The following CUX1 variants were observed in gnomAD, a reference collection of about 807,000 sequenced individuals.
The protein encoded by CUX1 is cut like homeobox 1.
CUX1 carries 31 observed loss-of-function variants against 158.8 expected under a neutral mutation model. The observed-to-expected ratio is 0.20, with a 90% CI of 0.15 to 0.26. The LOEUF (loss-of-function observed/expected upper bound fraction) is 0.26. Among genes scored for constraint, CUX1 ranks in the 10% least tolerant of loss-of-function variants. CUX1 has a pLI of 1.00. For synonymous variants in CUX1, 879 were observed against 862.1 expected (o/e 1.02, Z -0.34); for missense variants, 1,589 against 2,014.6 (o/e 0.79, Z 4.04).
At chr7:102,146,999 A>G (rs1300572189) in intron 8 of CUX1, among the ~76,000 whole-genome samples, 2 of 152,196 alleles carry the variant, frequency 1.3e-5, no homozygotes, top group African/African-American at 4.8e-5. Context: ...CAGAGGTGAC[A>G]TCCTGGCCGT....
intron 23 of CUX1, 107 bp downstream of exon 23, chr7:102,239,691 C>T (rs1554534220): frequency 2.3e-6 from 3 of 1,330,062 alleles, no homozygotes; most frequent in Non-Finnish European, 3.1e-6. Context: ...GGAGGTGGGG[C>T]GCTGGGAGCT....
chr7:102,199,444 G>A lies in CUX1; in HGVS notation c.1960+577G>A, dbSNP rs369903281. ...CCCTGGGCCATAGTAGCCTCATTTC[G>A]TCGGCACGTGTGCCTGCACAAAACA... On this transcript the variant is annotated intron_variant, in intron 16 of 23. Coordinates refer to ENST00000292535, the MANE Select transcript of CUX1 (RefSeq NM_181552.4). Among the ~76,000 whole-genome samples the A allele has an allele frequency of 5.3e-5, 8 of 152,342 alleles. 1 individual carries two copies. The South Asian group carries it at 8.3e-4, about 16-fold the overall frequency.
chr7:102,025,163 C>T (rs1359459525), intron 2 of CUX1, among the ~76,000 whole-genome samples: 1 of 152,156 alleles, frequency 6.6e-6, no homozygotes. Context: ...ACTGGGCCCA[C>T]CTGGATAATC....
intron 1 of CUX1, among the ~76,000 whole-genome samples, chr7:101,842,666 G>A (rs1378610217): frequency 1.3e-5 from 2 of 152,052 alleles, no homozygotes; most frequent in Non-Finnish European, 1.5e-5. Context: ...GATTACAGGT[G>A]TGAGCCACCA....
intron 9 of CUX1, among the ~76,000 whole-genome samples, chr7:102,168,019 A>G (rs1206782730): frequency 6.6e-6 from 1 of 151,770 alleles, no homozygotes; most frequent in Admixed American, 6.6e-5. Flanking sequence ...CGGAGGTTGC[A>G]GTTAACTGAG....
intron 3 of CUX1, among the ~76,000 whole-genome samples, chr7:102,060,824 G>A (rs1464265148): frequency 6.6e-6 from 1 of 151,344 alleles, no homozygotes; most frequent in Non-Finnish European, 1.5e-5. Flanking sequence ...ATGTTGGCCA[G>A]GCTGGTCTTG....
At chr7:102,069,281 C>A (rs1825878233) in intron 3 of CUX1, among the ~76,000 whole-genome samples, 1 of 152,160 alleles carries the variant, frequency 6.6e-6, no homozygotes, top group Admixed American at 6.5e-5. Flanking sequence ...AAATCTCACC[C>A]CACTTGATTG....
At chr7:101,821,432 G>A (rs1313259039) in intron 1 of CUX1, among the ~76,000 whole-genome samples, 1 of 151,110 alleles carries the variant, frequency 6.6e-6, no homozygotes, top group African/African-American at 2.4e-5. Context: ...TCCGCCTCCC[G>A]GGTTCACACC....
At chr7:101,870,879 T>A (rs1197665357) in intron 1 of CUX1, among the ~76,000 whole-genome samples, 1 of 152,206 alleles carries the variant, frequency 6.6e-6, no homozygotes, top group African/African-American at 2.4e-5. Context: ...GCTTATGAAG[T>A]CTGTAAATAA....
intron 3 of CUX1, among the ~76,000 whole-genome samples, chr7:102,048,470 G>C (rs1463321861): frequency 6.6e-6 from 1 of 152,028 alleles, no homozygotes; most frequent in East Asian, 1.9e-4. Context: ...TTTGAACTCG[G>C]TCTAATATTC....
chr7:101,868,293 A>G (rs1562947038), intron 1 of CUX1, among the ~76,000 whole-genome samples: 1 of 151,912 alleles, frequency 6.6e-6, no homozygotes, highest in Non-Finnish European at 1.5e-5. Flanking sequence ...CAGTCCCTTT[A>G]CGGCACCTGT....
At chr7:102,029,678 C>A in intron 3 of CUX1, among the ~76,000 whole-genome samples, 1 of 152,302 alleles carries the variant, frequency 6.6e-6, no homozygotes, top group African/African-American at 2.4e-5. Context: ...TTCTTATGAT[C>A]TTCTTCCTGC....
intron 3 of CUX1, among the ~76,000 whole-genome samples, chr7:102,052,247 A>G (rs114787762): frequency 0.011 from 1,600 of 152,210 alleles, 32 homozygotes; most frequent in African/African-American, 0.037. Context: ...CGTAATACCC[A>G]TTAGTGGTCA....
At chr7:101,998,611 A>T (rs897792065) in intron 2 of CUX1, among the ~76,000 whole-genome samples, 1 of 152,212 alleles carries the variant, frequency 6.6e-6, no homozygotes, top group Admixed American at 6.5e-5. Context: ...TTTGAGGAAG[A>T]AGAGAAAGAG....
At chr7:102,061,134 G>A (rs1824825570) in intron 3 of CUX1, among the ~76,000 whole-genome samples, 1 of 152,040 alleles carries the variant, frequency 6.6e-6, no homozygotes, top group Non-Finnish European at 1.5e-5. Context: ...ATGTTGGCCA[G>A]GCTGGTCTCG....
chr7:101,923,756 C>T (rs1805251273), intron 2 of CUX1, among the ~76,000 whole-genome samples: 1 of 152,244 alleles, frequency 6.6e-6, no homozygotes, highest in Non-Finnish European at 1.5e-5. Context: ...TCCATCCTGG[C>T]TCTTGTTGGC....
At chr7:101,944,433 G>C (rs946836278) in intron 2 of CUX1, among the ~76,000 whole-genome samples, 2 of 152,248 alleles carry the variant, frequency 1.3e-5, no homozygotes, top group Non-Finnish European at 2.9e-5. Context: ...TCTGGGGGAA[G>C]CACTGGGTGT....
intron 14 of CUX1, among the ~76,000 whole-genome samples, chr7:102,270,729 G>T (rs1187876300): frequency 6.6e-6 from 1 of 152,208 alleles, no homozygotes; most frequent in South Asian, 2.1e-4. Context: ...CTGCAGCAGC[G>T]CCAATGGCCA....
At chr7:102,216,641 GCA>G (rs782017300) in intron 20 of CUX1, among the ~76,000 whole-genome samples, 296 of 28,734 alleles carry the variant, frequency 0.01, 9 homozygotes, top group African/African-American at 0.029. Context: ...CCCCACACAC[GCA>G]CACACACACA....
Sources: allele counts gnomAD v4.1 joint callset (sites outside exome capture counted in the v4.1 genomes callset), GRCh38; gene constraint gnomAD v4.1.1; transcripts MANE v1.5; gene names NCBI Gene and HGNC (gene_info 2026-07-23, HGNC 2026-07-21).